Variants in EFHC2 observed in about 807,000 individuals in gnomAD.
The protein encoded by EFHC2 is EF-hand domain-containing family member C2.
A neutral mutation model predicts 52.7 loss-of-function variants in EFHC2; 18 were observed. That is an observed-to-expected ratio of 0.34 (90% confidence interval 0.24 to 0.51). The LOEUF (loss-of-function observed/expected upper bound fraction) is 0.51. Ranked by LOEUF, EFHC2 falls within the 20% of genes least tolerant of loss-of-function variation. EFHC2 has a pLI of 0.97. For missense variants in EFHC2, 513 were observed against 562.5 expected, an observed-to-expected ratio of 0.91 and a Z score of 0.89; for synonymous variants, 203 against 204.1, an observed-to-expected ratio of 0.99 and a Z score of 0.04.
In EFHC2 at chrX:44,250,378, T is replaced by C. The variant is rs748130599; in HGVS notation, c.674A>G (p.Tyr225Cys). Reference sequence around the variant, plus strand: ...GAAGAAACACAAAATCTTGCCATGATACTGGAGGAACTGTTTCAGGGTGTC... The same window carrying C: ...GAAGAAACACAAAATCTTGCCATGACACTGGAGGAACTGTTTCAGGGTGTC... The part of the protein sequence containing the change: ...SLDTLKQFLQ[Y>C]HGKILCFFCL... The change falls in exon 5 of 15, where the codon TAT (tyrosine) becomes TGT (cysteine). Residue 225 changes from tyrosine (Y) to cysteine (C), a missense_variant. Coordinates refer to ENST00000420999, the MANE Select transcript of EFHC2 (RefSeq NM_025184.4). 36 of 1,209,648 alleles carry C rather than the reference T, an allele frequency of 3.0e-5. No homozygotes were observed. The East Asian group carries it at 1.0e-3, about 34-fold the overall frequency.
intron 11 of EFHC2, among the ~76,000 whole-genome samples, chrX:44,228,508 C>T (rs151104677): frequency 0.017 from 1,918 of 111,940 alleles, 21 homozygotes; most frequent in Non-Finnish European, 0.029. Context: ...ATTTATTTTC[C>T]AAAACACTAT....
At chrX:44,250,927 C>T (rs2037439153) in intron 4 of EFHC2, among the ~76,000 whole-genome samples, 1 of 109,531 alleles carries the variant, frequency 9.1e-6, no homozygotes, top group African/African-American at 3.3e-5. Context: ...GATACATACA[C>T]ATCTATAACC....
intron 11 of EFHC2, among the ~76,000 whole-genome samples, chrX:44,223,758 C>T (rs1226221842): frequency 1.8e-5 from 2 of 112,185 alleles, no homozygotes; most frequent in Non-Finnish European, 3.8e-5. Context: ...GTCCAAGAAT[C>T]TATTTAGTTC....
At chrX:44,301,822 G>A (rs996301744) in intron 2 of EFHC2, among the ~76,000 whole-genome samples, 4 of 111,390 alleles carry the variant, frequency 3.6e-5, no homozygotes, top group Non-Finnish European at 7.5e-5. Flanking sequence ...TGTTTTTGAG[G>A]TTCACCCATG....
At chrX:44,180,008 T>C (rs1442040122) in intron 11 of EFHC2, among the ~76,000 whole-genome samples, 1 of 111,964 alleles carries the variant, frequency 8.9e-6, no homozygotes, top group Admixed American at 9.5e-5. Context: ...TGTACAGATG[T>C]GAACTGAGGC....
intron 11 of EFHC2, among the ~76,000 whole-genome samples, chrX:44,198,501 T>C (rs1569281689): frequency 9.0e-6 from 1 of 111,652 alleles, no homozygotes; most frequent in Non-Finnish European, 1.9e-5. Flanking sequence ...CCCAGTGTAA[T>C]TTTAGAGAGT....
At chrX:44,267,166 C>T (rs995893252) in intron 3 of EFHC2, among the ~76,000 whole-genome samples, 14 of 112,150 alleles carry the variant, frequency 1.2e-4, no homozygotes, top group Non-Finnish European at 2.6e-4. Flanking sequence ...GTGTATTTAA[C>T]TGACAATTAT....
At chrX:44,149,527 T>A (rs1163050494) in intron 14 of EFHC2, among the ~76,000 whole-genome samples, 3 of 112,121 alleles carry the variant, frequency 2.7e-5, no homozygotes, top group Non-Finnish European at 5.6e-5. Context: ...TTTTATTATT[T>A]TTTTTAAAGA....
chrX:44,168,463 C>T (rs183735420), intron 13 of EFHC2, among the ~76,000 whole-genome samples: 26 of 108,646 alleles, frequency 2.4e-4, no homozygotes, highest in Admixed American at 2.0e-3. Flanking sequence ...ACCCGGGAGG[C>T]GGAGCTTGCA....
chrX:44,235,245 C>T, intron 9 of EFHC2, 60 bp downstream of exon 9: 1 of 970,078 alleles, frequency 1.0e-6, no homozygotes, highest in Non-Finnish European at 1.3e-6. Context: ...CCCTAATTTT[C>T]AACATGAAGA....
intron 2 of EFHC2, among the ~76,000 whole-genome samples, chrX:44,287,288 CAAA>C (rs1406135338): frequency 9.0e-6 from 1 of 111,105 alleles, no homozygotes; most frequent in Admixed American, 9.6e-5. Context: ...ATTTTTCTAT[CAAA>C]AAAATTTTTT....
At chrX:44,266,531 T>C (rs1046266924) in intron 3 of EFHC2, among the ~76,000 whole-genome samples, 5 of 109,805 alleles carry the variant, frequency 4.6e-5, no homozygotes, top group Admixed American at 2.0e-4. Flanking sequence ...GACGAGGTTT[T>C]GCTATGTTGG....
At chrX:44,165,889 A>G (rs2036693079) in intron 13 of EFHC2, among the ~76,000 whole-genome samples, 1 of 111,006 alleles carries the variant, frequency 9.0e-6, no homozygotes, top group African/African-American at 3.3e-5. Context: ...GACCCCAGAG[A>G]GCACTCTTGC....
chrX:44,165,670 T>C (rs1397103993), intron 13 of EFHC2, among the ~76,000 whole-genome samples: 1 of 111,689 alleles, frequency 9.0e-6, no homozygotes, highest in Non-Finnish European at 1.9e-5. Context: ...CTTTGGCTTT[T>C]ATGCTGAGGA....
intron 11 of EFHC2, among the ~76,000 whole-genome samples, chrX:44,203,945 C>T (rs768013187): frequency 1.5e-4 from 17 of 110,209 alleles, no homozygotes; most frequent in Non-Finnish European, 3.2e-4. Flanking sequence ...AGGGCAGGTG[C>T]GTCCACCTGG....
chrX:44,286,687 A>G (rs1428527717), intron 2 of EFHC2, among the ~76,000 whole-genome samples: 5 of 111,134 alleles, frequency 4.5e-5, no homozygotes, highest in Non-Finnish European at 7.5e-5. Flanking sequence ...TTTGTGTATT[A>G]TATTTGTATA....
chrX:44,230,679 GA>G (rs1342530848), intron 10 of EFHC2, among the ~76,000 whole-genome samples: 1 of 110,826 alleles, frequency 9.0e-6, no homozygotes, highest in East Asian at 2.8e-4. Context: ...GCTGATTCCA[GA>G]TAATGTCCTA....
At chrX:44,307,682 C>T (rs756899434) in intron 2 of EFHC2, among the ~76,000 whole-genome samples, 6 of 111,558 alleles carry the variant, frequency 5.4e-5, no homozygotes, top group African/African-American at 2.0e-4. Flanking sequence ...GCCTGTAATC[C>T]CAGCACTTTA....
intron 14 of EFHC2, among the ~76,000 whole-genome samples, chrX:44,150,276 C>T (rs1263178898): frequency 2.7e-5 from 3 of 111,659 alleles, no homozygotes; most frequent in Non-Finnish European, 3.8e-5. Context: ...TCAGTTGCAC[C>T]TTATGGGATG....
Sources: gnomAD v4.1 joint callset for allele counts (sites outside exome capture counted in the v4.1 genomes callset) on GRCh38, gnomAD v4.1.1 for gene constraint, MANE v1.5 for transcripts, NCBI Gene and HGNC (gene_info 2026-07-23, HGNC 2026-07-21) for gene names.